CADM1: variants seen among roughly 807,000 people sequenced by gnomAD.
The protein encoded by CADM1 is TSLC-1.
Under a neutral mutation model 53.1 loss-of-function variants are expected in CADM1, and 15 were observed. That is an observed-to-expected ratio of 0.28 (90% CI 0.19 to 0.44). The LOEUF (loss-of-function observed/expected upper bound fraction) is 0.44, where lower values mean the gene tolerates loss of function less well. CADM1 is among the 20% of genes least tolerant of loss of function. The pLI, the probability that CADM1 is intolerant of heterozygous loss-of-function variation, is 1.00. For synonymous variants in CADM1, 281 were observed against 243.0 expected, an observed-to-expected ratio of 1.16 and a Z score of -1.45; for missense variants, 434 against 611.3, an observed-to-expected ratio of 0.71 and a Z score of 3.06.
chr11:115,347,572 T>C (rs1032148214), intron 1 of CADM1, among the ~76,000 whole-genome samples: 1 of 152,198 alleles, frequency 6.6e-6, no homozygotes, highest in Non-Finnish European at 1.5e-5. Flanking sequence ...AGGCTAATAG[T>C]TCAAATTCCC....
intron 1 of CADM1, among the ~76,000 whole-genome samples, chr11:115,246,114 T>TA (rs1414411829): frequency 3.3e-5 from 5 of 152,216 alleles, no homozygotes; most frequent in Non-Finnish European, 7.3e-5. Context: ...ACTGTAGATT[T>TA]AAGGTTAAGG....
intron 1 of CADM1, among the ~76,000 whole-genome samples, chr11:115,482,462 T>A (rs1477973569): frequency 6.6e-6 from 1 of 152,148 alleles, no homozygotes; most frequent in African/African-American, 2.4e-5. Flanking sequence ...CACACAGACA[T>A]GCATGCATTT....
At chr11:115,194,792 T>C (rs1304764242) in intron 9 of CADM1, among the ~76,000 whole-genome samples, 1 of 151,828 alleles carries the variant, frequency 6.6e-6, no homozygotes, top group East Asian at 1.9e-4. Flanking sequence ...ACCCGACCCC[T>C]CACATTGGGG....
At chr11:115,244,541 T>C (rs1009081611) in intron 1 of CADM1, among the ~76,000 whole-genome samples, 2 of 152,224 alleles carry the variant, frequency 1.3e-5, no homozygotes, top group Non-Finnish European at 2.9e-5. Context: ...GAGTTTTCAG[T>C]ATCCCCGCTT....
At chr11:115,192,217 C>T (rs1332913297) in intron 9 of CADM1, among the ~76,000 whole-genome samples, 3 of 152,194 alleles carry the variant, frequency 2.0e-5, no homozygotes, top group African/African-American at 7.2e-5. Flanking sequence ...ACATTGATAG[C>T]CAGGTCAATT....
At chr11:115,372,629 A>G (rs1946336629) in intron 1 of CADM1, among the ~76,000 whole-genome samples, 1 of 152,216 alleles carries the variant, frequency 6.6e-6, no homozygotes, top group African/African-American at 2.4e-5. Flanking sequence ...ATGTGGTTAA[A>G]TTTTTAACCA....
intron 1 of CADM1, among the ~76,000 whole-genome samples, chr11:115,299,532 T>C (rs1192082887): frequency 6.6e-6 from 1 of 152,128 alleles, no homozygotes; most frequent in Non-Finnish European, 1.5e-5. Context: ...CCAATACGCA[T>C]CATGGTGGAA....
intron 1 of CADM1, among the ~76,000 whole-genome samples, chr11:115,432,290 G>A (rs2135299336): frequency 6.6e-6 from 1 of 152,220 alleles, no homozygotes; most frequent in South Asian, 2.1e-4. Flanking sequence ...GAGCATGAGG[G>A]CCAAGTCTGC....
chr11:115,433,971 T>G (rs1403963154), intron 1 of CADM1, among the ~76,000 whole-genome samples: 3 of 152,232 alleles, frequency 2.0e-5, no homozygotes, highest in Non-Finnish European at 2.9e-5. Context: ...TTTATTAACC[T>G]GCCAGCACTT....
chr11:115,275,960 A>C (rs1176553286), intron 1 of CADM1, among the ~76,000 whole-genome samples: 1 of 152,208 alleles, frequency 6.6e-6, no homozygotes. Flanking sequence ...TCCATGACTA[A>C]GGTTAACAGA....
chr11:115,415,893 G>A (rs1947585777), intron 1 of CADM1, among the ~76,000 whole-genome samples: 1 of 149,514 alleles, frequency 6.7e-6, no homozygotes, highest in African/African-American at 2.5e-5. Flanking sequence ...AGCCTTCCTG[G>A]AAGAAGCTGC....
intron 1 of CADM1, among the ~76,000 whole-genome samples, chr11:115,456,310 C>CA (rs145245879): frequency 0.014 from 2,073 of 143,458 alleles, 20 homozygotes; most frequent in African/African-American, 0.03. Context: ...GACACTGATA[C>CA]AAAAAAAAAA....
rs1334791975 is a variant in CADM1 at position 115,174,839 on chromosome 11, G to A, written c.*1635C>T. The A allele has an allele frequency of 1.0e-6, 1 of 985,014 alleles. No individual in the cohort carries two copies. Among genetic ancestry groups the A allele is most frequent in the Non-Finnish European group, 1.2e-6 (1 of 829,458 alleles). 61.0% of individuals were successfully genotyped at this position (985,014 alleles called of 1,614,324 possible). A position where few individuals can be genotyped will look rare whatever the true frequency, so the allele number is the denominator to read the frequency against. On this transcript the variant is annotated 3_prime_UTR_variant, in exon 12 of 12. Coordinates refer to ENST00000331581, the MANE Select transcript of CADM1 (RefSeq NM_001301043.2). ...GAGTCTTACCAAACATATGGTAAGA[G>A]TTTAGTTTCTGTCCTTCAGGACTAC...
chr11:115,354,635 A>G (rs1453023630), intron 1 of CADM1, among the ~76,000 whole-genome samples: 1 of 152,196 alleles, frequency 6.6e-6, no homozygotes, highest in African/African-American at 2.4e-5. Context: ...CCCAATAATT[A>G]CAATATAAAG....
intron 1 of CADM1, among the ~76,000 whole-genome samples, chr11:115,326,679 T>C (rs12279099): frequency 0.052 from 7,972 of 152,232 alleles, 673 homozygotes; most frequent in African/African-American, 0.18. Flanking sequence ...TATCTGCACA[T>C]TTAGTACTAA....
intron 7 of CADM1, among the ~76,000 whole-genome samples, chr11:115,214,245 C>T (rs1941082566): frequency 6.6e-6 from 1 of 152,178 alleles, no homozygotes; most frequent in Non-Finnish European, 1.5e-5. Flanking sequence ...GCCCAGGTAT[C>T]ATAGTAAAAT....
chr11:115,209,043 T>C (rs1940827260), intron 8 of CADM1, among the ~76,000 whole-genome samples: 1 of 152,348 alleles, frequency 6.6e-6, no homozygotes, highest in East Asian at 1.9e-4. Context: ...AGTGACTCCC[T>C]CTGATCTCTT....
At chr11:115,379,342 A>G (rs1946519056) in intron 1 of CADM1, among the ~76,000 whole-genome samples, 1 of 152,238 alleles carries the variant, frequency 6.6e-6, no homozygotes, top group Admixed American at 6.5e-5. Context: ...AAATATCCAC[A>G]ATACTGACAA....
intron 1 of CADM1, among the ~76,000 whole-genome samples, chr11:115,409,753 T>A (rs912422217): frequency 7.3e-5 from 11 of 150,684 alleles, no homozygotes; most frequent in Non-Finnish European, 1.6e-4. Flanking sequence ...AAAAAAAAAA[T>A]TCCACTGCCT....
Sources: allele counts gnomAD v4.1 joint callset (sites outside exome capture counted in the v4.1 genomes callset), GRCh38; gene constraint gnomAD v4.1.1; transcripts MANE v1.5; gene names NCBI Gene and HGNC (gene_info 2026-07-23, HGNC 2026-07-21).